The following PKP4 variants were observed in gnomAD, a reference collection of about 807,000 sequenced individuals.
PKP4 encodes plakophilin 4, also known as plakophilin-4.
Under a neutral mutation model 145.1 loss-of-function variants are expected in PKP4, and 90 were observed. That is an observed-to-expected ratio of 0.62 (90% CI 0.52 to 0.74). PKP4 has a LOEUF of 0.74. PKP4 is among the 30% of genes least tolerant of loss of function. The pLI, the probability that PKP4 is intolerant of heterozygous loss-of-function variation, is 0.00. For synonymous variants in PKP4, 563 were observed against 577.2 expected (o/e 0.98, Z 0.35); for missense variants, 1,340 against 1,482.7 (o/e 0.90, Z 1.58).
Position 158,678,545 on chromosome 2 carries a change from G to A in PKP4, c.3257-36G>A, listed in dbSNP as rs577107631. 2.1e-6 allele frequency: 3 copies of A among 1,427,132 alleles called. No homozygotes were observed. In the South Asian group the frequency reaches 3.4e-5, roughly 16 times the overall value. The allele number at this position is 1,427,132 out of a possible 1,614,324, so 88.4% of individuals were successfully genotyped here. Reference sequence around the variant, plus strand: ...CCAGCCTAATGGACCAGAGTAATAAGCACTAGTTTTAATTTCATAAAATAT... The same window carrying A: ...CCAGCCTAATGGACCAGAGTAATAAACACTAGTTTTAATTTCATAAAATAT... On this transcript the variant is annotated intron_variant, in intron 20 of 21. Coordinates refer to ENST00000389759, the MANE Select transcript of PKP4 (RefSeq NM_003628.6).
At chr2:158,655,073 A>G (rs965076452) in intron 11 of PKP4, among the ~76,000 whole-genome samples, 21 of 152,332 alleles carry the variant, frequency 1.4e-4, no homozygotes, top group African/African-American at 5.1e-4. Context: ...GGGAAAGTTA[A>G]TTAATTTTGT....
At chr2:158,481,937 T>C (rs1355756443) in intron 1 of PKP4, among the ~76,000 whole-genome samples, 1 of 152,230 alleles carries the variant, frequency 6.6e-6, no homozygotes, top group African/African-American at 2.4e-5. Context: ...ATAACTTTAG[T>C]GTCTGATTTT....
chr2:158,608,232 T>C (rs992579908), intron 4 of PKP4, among the ~76,000 whole-genome samples: 3 of 152,230 alleles, frequency 2.0e-5, no homozygotes, highest in Non-Finnish European at 4.4e-5. Context: ...GAAACCCATA[T>C]ATACTATTAC....
intron 3 of PKP4, among the ~76,000 whole-genome samples, chr2:158,587,762 C>T (rs1007652807): frequency 2.0e-5 from 3 of 151,894 alleles, no homozygotes; most frequent in Non-Finnish European, 2.9e-5. Flanking sequence ...AAATATTGAA[C>T]ATAAAATTCA....
chr2:158,620,097 T>TAA (rs1402340898), intron 4 of PKP4, among the ~76,000 whole-genome samples: 1 of 152,170 alleles, frequency 6.6e-6, no homozygotes, highest in Non-Finnish European at 1.5e-5. Flanking sequence ...TTAATTATCT[T>TAA]TGAAGTGAGA....
intron 1 of PKP4, among the ~76,000 whole-genome samples, chr2:158,465,219 T>C (rs764264908): frequency 6.6e-6 from 1 of 152,260 alleles, no homozygotes; most frequent in Non-Finnish European, 1.5e-5. Context: ...GTATTAAGGA[T>C]GAGCTATAAA....
chr2:158,477,857 T>C (rs1440206655), intron 1 of PKP4, among the ~76,000 whole-genome samples: 1 of 152,068 alleles, frequency 6.6e-6, no homozygotes, highest in Non-Finnish European at 1.5e-5. Flanking sequence ...CACTCATCTC[T>C]CAAAAAAAAC....
chr2:158,648,773 C>T (rs2055063165), intron 11 of PKP4, among the ~76,000 whole-genome samples: 2 of 152,170 alleles, frequency 1.3e-5, no homozygotes, highest in South Asian at 4.1e-4. Context: ...CCAAGGAAGG[C>T]AAATCACTCG....
chr2:158,465,018 C>T (rs1690380349), intron 1 of PKP4, among the ~76,000 whole-genome samples: 1 of 152,166 alleles, frequency 6.6e-6, no homozygotes, highest in Non-Finnish European at 1.5e-5. Context: ...GACTGATAGG[C>T]CTTATGGCCA....
At chr2:158,459,177 G>T (rs576599784) in intron 1 of PKP4, among the ~76,000 whole-genome samples, 1 of 152,220 alleles carries the variant, frequency 6.6e-6, no homozygotes, top group South Asian at 2.1e-4. Context: ...TCTTCGTTTT[G>T]GTGCCTGTGA....
Position 158,552,274 on chromosome 2 carries a change from G to T in PKP4, c.132+18958G>T, listed in dbSNP as rs148575962. On this transcript the variant is annotated intron_variant, in intron 2 of 21. Transcript: ENST00000389759. ...ATGAGTACGTCCCAGCTTACACCTT[G>T]ATTTCGGCCCAGTGAAAATGATTTC... Among the ~76,000 whole-genome samples the T allele has an allele frequency of 2.0e-5, 3 of 152,338 alleles. No homozygotes were observed. In the East Asian group the frequency reaches 5.8e-4, roughly 29 times the overall value.
At chr2:158,576,185 A>G (rs2047834076) in intron 2 of PKP4, among the ~76,000 whole-genome samples, 1 of 152,260 alleles carries the variant, frequency 6.6e-6, no homozygotes, top group South Asian at 2.1e-4. Context: ...AAGCAATTAC[A>G]TGTTTGCCTG....
chr2:158,515,578 T>C (rs1459318940), intron 1 of PKP4, among the ~76,000 whole-genome samples: 1 of 152,192 alleles, frequency 6.6e-6, no homozygotes, highest in East Asian at 1.9e-4. Context: ...TTCTTAAAAG[T>C]ATTAATGTTT....
chr2:158,473,788 CT>C (rs1240499718), intron 1 of PKP4, among the ~76,000 whole-genome samples: 2 of 152,122 alleles, frequency 1.3e-5, no homozygotes, highest in Non-Finnish European at 2.9e-5. Flanking sequence ...ACATGTACCC[CT>C]GAACCTAAAA....
intron 2 of PKP4, among the ~76,000 whole-genome samples, chr2:158,543,128 G>A (rs931777301): frequency 7.2e-5 from 11 of 152,056 alleles, no homozygotes; most frequent in Admixed American, 3.3e-4. Context: ...GCAATATATA[G>A]TCTTGAACTG....
Position 158,484,474 on chromosome 2 carries a change from T to TA in PKP4, c.-6+27257dup, listed in dbSNP as rs1693879174. ...TGCTGTCCTGATTTGGTGAATGTGT[T>TA]AGAGATGTTTATGGTTCCAGGTTAT... On this transcript the variant is annotated intron_variant, in intron 1 of 21. Coordinates refer to ENST00000389759, the MANE Select transcript of PKP4 (RefSeq NM_003628.6). Among the ~76,000 whole-genome samples the TA allele has an allele frequency of 2.0e-5, 3 of 152,334 alleles. No individual in the cohort carries two copies. The South Asian group carries it at 6.2e-4, about 32-fold the overall frequency.
intron 2 of PKP4, among the ~76,000 whole-genome samples, chr2:158,576,315 C>T (rs985542752): frequency 6.6e-6 from 1 of 152,128 alleles, no homozygotes; most frequent in Non-Finnish European, 1.5e-5. Context: ...AGATTTAATA[C>T]TCATATGTCT....
intron 11 of PKP4, among the ~76,000 whole-genome samples, chr2:158,646,852 A>G (rs992643645): frequency 6.6e-6 from 1 of 152,178 alleles, no homozygotes; most frequent in Non-Finnish European, 1.5e-5. Flanking sequence ...GAAGCTCATT[A>G]CCTGGTGGGG....
At chr2:158,489,586 G>A (rs1694652396) in intron 1 of PKP4, among the ~76,000 whole-genome samples, 1 of 152,302 alleles carries the variant, frequency 6.6e-6, no homozygotes, top group East Asian at 1.9e-4. Flanking sequence ...AGCTGCCTTA[G>A]CTGGATGCAG....
Sources: allele counts gnomAD v4.1 joint callset (sites outside exome capture counted in the v4.1 genomes callset), GRCh38; gene constraint gnomAD v4.1.1; transcripts MANE v1.5; gene names NCBI Gene and HGNC (gene_info 2026-07-23, HGNC 2026-07-21).